The following CDH26 variants were observed in gnomAD, a reference collection of about 807,000 sequenced individuals.
The protein encoded by CDH26 is cadherin 26.
In CDH26, 83 loss-of-function variants were observed where a neutral mutation model predicts 90.3. The observed-to-expected ratio is 0.92, with a 90% CI of 0.77 to 1.10. CDH26 has a LOEUF of 1.10. Among genes scored for constraint, CDH26 ranks in the 50% least tolerant of loss-of-function variants. The pLI is 0.00. For synonymous variants in CDH26, 397 were observed against 396.3 expected (o/e 1.00, Z -0.02); for missense variants, 1,013 against 1,037.6 (o/e 0.98, Z 0.33).
intron 8 of CDH26, chr20:60,031,469 T>TA (rs2062039610): frequency 3.8e-6 from 4 of 1,049,372 alleles, no homozygotes; most frequent in Non-Finnish European, 4.7e-6. Flanking sequence ...TTTCTCCTTT[T>TA]AAAAAAGATT....
downstream of CDH26, among the ~76,000 whole-genome samples, chr20:60,035,810 C>T (rs1289311812): frequency 6.6e-6 from 1 of 152,080 alleles, no homozygotes; most frequent in South Asian, 2.1e-4. Context: ...TTTCTCTTCT[C>T]TCTCTCCTGC....
chr20:59,967,853 C>CTT (rs1294962537), intron 1 of CDH26, among the ~76,000 whole-genome samples: 2 of 100,128 alleles, frequency 2.0e-5, no homozygotes, highest in African/African-American at 1.1e-4. Context: ...TTCTTTCTTT[C>CTT]TTTCTTTCTT....
intron 8 of CDH26, among the ~76,000 whole-genome samples, chr20:60,032,496 A>AACTTG (rs1255068442): frequency 2.6e-5 from 4 of 152,192 alleles, no homozygotes; most frequent in Non-Finnish European, 5.9e-5. Context: ...AATTACGAAG[A>AACTTG]ACTTGAATGT....
At chr20:59,976,793 A>G (rs1018340529) in intron 4 of CDH26, among the ~76,000 whole-genome samples, 3 of 152,054 alleles carry the variant, frequency 2.0e-5, no homozygotes, top group African/African-American at 7.2e-5. Flanking sequence ...GACCACGGTG[A>G]TGGAAGCAGA....
intron 11 of CDH26, among the ~76,000 whole-genome samples, chr20:59,995,409 A>C (rs2061580056): frequency 6.6e-6 from 1 of 152,160 alleles, no homozygotes; most frequent in African/African-American, 2.4e-5. Flanking sequence ...GCTCAGGTGA[A>C]CGTCCCTGAC....
intron 4 of CDH26, among the ~76,000 whole-genome samples, chr20:59,980,940 T>C (rs756959913): frequency 6.6e-6 from 1 of 152,182 alleles, no homozygotes; most frequent in Non-Finnish European, 1.5e-5. Context: ...GTGTGAGATA[T>C]AGACCCAGGT....
chr20:59,982,549 G>A (rs2061407170), intron 4 of CDH26, among the ~76,000 whole-genome samples: 1 of 152,224 alleles, frequency 6.6e-6, no homozygotes, highest in Non-Finnish European at 1.5e-5. Context: ...TCTCTGTGAT[G>A]TTTCAGTAAT....
At chr20:60,018,191 A>C (rs1453709473), downstream of CDH26, among the ~76,000 whole-genome samples, 2 of 152,024 alleles carry the variant, frequency 1.3e-5, no homozygotes, top group African/African-American at 2.4e-5. Flanking sequence ...TCCAGTGCTG[A>C]GAGTGAGATG....
At chr20:59,990,526 T>C (rs1015980041) in intron 9 of CDH26, among the ~76,000 whole-genome samples, 12 of 152,226 alleles carry the variant, frequency 7.9e-5, no homozygotes, top group African/African-American at 2.7e-4. Context: ...TCTCAACTTA[T>C]CTGTTGGGAA....
In CDH26 at chr20:60,013,400, T is replaced by A. The variant is rs2146025041; in HGVS notation, c.*670T>A. 6.6e-6 allele frequency: 1 copy of A among 152,318 alleles called. No homozygotes were observed. Among genetic ancestry groups the A allele is most frequent in the East Asian group, 1.9e-4 (1 of 5,194 alleles). The allele number at this position is 152,318 out of a possible 1,614,324, so 9.4% of individuals were successfully genotyped here. ...AAAGAGTTAGGAGCCTTTGAATGAG[T>A]AAGTTCTGATTAGATTTTATCTTTA... On this transcript the variant is annotated 3_prime_UTR_variant, in exon 18 of 18. Transcript: ENST00000348616.
chr20:60,011,460 T>G (rs1011078915), intron 17 of CDH26, among the ~76,000 whole-genome samples: 8 of 152,210 alleles, frequency 5.3e-5, no homozygotes, highest in African/African-American at 1.9e-4. Context: ...AAATGGCCAT[T>G]CACTCAAATA....
intron 4 of CDH26, among the ~76,000 whole-genome samples, chr20:59,980,491 T>G (rs2061382380): frequency 6.6e-6 from 1 of 152,038 alleles, no homozygotes; most frequent in Non-Finnish European, 1.5e-5. Context: ...AGACACTGGG[T>G]TTTGCCATGT....
At chr20:59,994,597 T>C in intron 11 of CDH26, 108 bp downstream of exon 11, 1 of 1,393,920 alleles carries the variant, frequency 7.2e-7, no homozygotes, top group East Asian at 2.5e-5. Flanking sequence ...CGGAGAGGTC[T>C]GCGTTCTGGC....
At chr20:59,996,084 T>C (rs2061593464) in intron 12 of CDH26, 30 bp downstream of exon 12, 2 of 1,596,990 alleles carry the variant, frequency 1.3e-6, no homozygotes, top group African/African-American at 1.3e-5. Flanking sequence ...GTCCTGGGAC[T>C]GTGGCTCCTC....
At chr20:59,983,292 T>A (rs2061416774) in intron 5 of CDH26, among the ~76,000 whole-genome samples, 1 of 152,128 alleles carries the variant, frequency 6.6e-6, no homozygotes, top group South Asian at 2.1e-4. Flanking sequence ...GTGGGAAGGG[T>A]TGATATGTAA....
At chr20:59,970,331 C>G in intron 3 of CDH26, 145 bp downstream of exon 3, 1 of 1,155,990 alleles carries the variant, frequency 8.7e-7, no homozygotes, top group Non-Finnish European at 1.2e-6. Context: ...GCCTGGGGTT[C>G]AGGAAGCCTG....
intron 4 of CDH26, among the ~76,000 whole-genome samples, chr20:59,979,934 G>A (rs1334681250): frequency 1.3e-5 from 2 of 151,978 alleles, no homozygotes; most frequent in Non-Finnish European, 2.9e-5. Context: ...GCCCACATAT[G>A]GCTTTTATGT....
In CDH26 at chr20:59,985,007, C is replaced by T. The variant is rs2061436445; in HGVS notation, c.715C>T (p.Pro239Ser). Reference protein sequence around the residue: ...LSGCLDYETAPQFTLLIRARD... With the variant: ...LSGCLDYETASQFTLLIRARD... ...TCCTTTTCCTCCCACATAGACCGCTCCTCAGTTTACACTGCTAATCAGAGC... is the reference window on the plus strand; with the variant it reads ...TCCTTTTCCTCCCACATAGACCGCTTCTCAGTTTACACTGCTAATCAGAGC... Residue 239 changes from proline (P) to serine (S), a missense_variant, in exon 7 of 18, where the codon CCT becomes TCT. By Grantham distance (74) the Pro-to-Ser change is moderately conservative (BLOSUM62 -1). Transcript: ENST00000348616. 1.2e-6 allele frequency: 2 copies of T among 1,614,026 alleles called. No individual in the cohort carries two copies. Among genetic ancestry groups the T allele is most frequent in the Non-Finnish European group, 8.5e-7 (1 of 1,179,938 alleles).
At chr20:60,033,752 G>C in exon 9 of CDH26, 1 of 1,228,280 alleles carries the variant, frequency 8.1e-7, no homozygotes, top group Non-Finnish European at 1.1e-6. Flanking sequence ...GGAGGAGATG[G>C]CAATTATCCA....
Sources: allele counts gnomAD v4.1 joint callset (sites outside exome capture counted in the v4.1 genomes callset), GRCh38; gene constraint gnomAD v4.1.1; transcripts MANE v1.5; gene names NCBI Gene and HGNC (gene_info 2026-07-23, HGNC 2026-07-21).